ANXA7: variants seen among roughly 807,000 people sequenced by gnomAD.
ANXA7 encodes annexin A7.
Under a neutral mutation model 64.9 loss-of-function variants are expected in ANXA7, and 55 were observed. That is an observed-to-expected ratio of 0.85 (90% CI 0.68 to 1.06). ANXA7 has a LOEUF of 1.06. ANXA7 is among the 50% of genes least tolerant of loss of function. The probability of loss-of-function intolerance (pLI) is 0.00; values close to 1 mark genes in which losing one functional copy is unlikely to be tolerated. For missense variants in ANXA7, 548 were observed against 582.1 expected (o/e 0.94, Z 0.60); for synonymous variants, 200 against 192.4 (o/e 1.04, Z -0.33).
chr10:73,405,468 G>C (rs1387692104), intron 1 of ANXA7, among the ~76,000 whole-genome samples: 2 of 152,084 alleles, frequency 1.3e-5, no homozygotes, highest in Admixed American at 6.6e-5. Flanking sequence ...GAACCCAGGA[G>C]GCAGAGGTTG....
Position 73,398,164 on chromosome 10 carries a change from C to G in ANXA7, c.259+17G>C. Reference sequence around the variant, plus strand: ...CAGCAATCCCAATCATTACTAATTCCGCAACCCGTAACTCACCTCCGGGAT... The same window carrying G: ...CAGCAATCCCAATCATTACTAATTCGGCAACCCGTAACTCACCTCCGGGAT... On this transcript the variant is annotated intron_variant, in intron 3 of 12. Transcript: ENST00000372921. 1 of 1,598,044 alleles carries G rather than the reference C, an allele frequency of 6.3e-7. No individual in the cohort carries two copies. Among genetic ancestry groups the G allele is most frequent in the South Asian group, 1.1e-5 (1 of 90,562 alleles).
intron 2 of ANXA7, among the ~76,000 whole-genome samples, chr10:73,400,157 C>T (rs574130842): frequency 1.3e-5 from 2 of 152,000 alleles, no homozygotes; most frequent in Admixed American, 1.3e-4. Flanking sequence ...CACAAACAAA[C>T]AAACAAACAA....
intron 5 of ANXA7, among the ~76,000 whole-genome samples, chr10:73,388,745 GGT>G (rs947215170): frequency 6.6e-6 from 1 of 152,144 alleles, no homozygotes; most frequent in African/African-American, 2.4e-5. Context: ...ATCCCTGAAT[GGT>G]GTGAGATGAG....
Position 73,376,206 on chromosome 10 carries a change from T to C in ANXA7, c.1290A>G (p.Val430=), listed in dbSNP as rs2228240. ...TCTGAGCGAACATCTGTTTTATTTG[T>C]ACAAGGTCAATCTGCATAAGAAATA... The part of the protein sequence containing the change: ...IVVTRSEIDL[V]QIKQMFAQMY... The change falls in exon 13 of 13, where the codon GTA becomes GTG. Residue 430 remains valine, a synonymous_variant. Transcript: ENST00000372921. 1,053 of 1,581,548 alleles carry C rather than the reference T, an allele frequency of 6.7e-4. 4 individuals are homozygous for C. In the African/African-American group the frequency reaches 8.9e-3, roughly 13 times the overall value.
At chr10:73,383,457 G>T in intron 8 of ANXA7, 112 bp from the exon 9 acceptor site, 1 of 1,257,058 alleles carries the variant, frequency 8.0e-7, no homozygotes, top group Non-Finnish European at 1.1e-6. Context: ...ATATTCAGAT[G>T]GATGATGTGA....
intron 1 of ANXA7, among the ~76,000 whole-genome samples, chr10:73,401,628 T>C (rs917433292): frequency 6.6e-6 from 1 of 152,136 alleles, no homozygotes; most frequent in South Asian, 2.1e-4. Flanking sequence ...GCCTCCCGAG[T>C]AGCTGGGATT....
At chr10:73,385,734 G>A (rs2055357865) in intron 7 of ANXA7, among the ~76,000 whole-genome samples, 1 of 152,114 alleles carries the variant, frequency 6.6e-6, no homozygotes, top group African/African-American at 2.4e-5. Flanking sequence ...TGTGAGAATA[G>A]TGAGTCTGAT....
At chr10:73,379,179 A>AT (rs2055234156) in intron 11 of ANXA7, among the ~76,000 whole-genome samples, 156 bp from the exon 12 acceptor site, 1 of 151,826 alleles carries the variant, frequency 6.6e-6, no homozygotes, top group African/African-American at 2.4e-5. Context: ...GCTCTCCTTG[A>AT]TTTTTTTTGA....
At chr10:73,397,103 A>G (rs987970510) in intron 4 of ANXA7, 61 bp downstream of exon 4, 12 of 808,356 alleles carry the variant, frequency 1.5e-5, no homozygotes, top group Admixed American at 3.2e-5. Context: ...AGTTCCCTCA[A>G]TGGTGATTTA....
At chr10:73,393,061 GACAA>G (rs1344317864) in intron 5 of ANXA7, among the ~76,000 whole-genome samples, 3 of 152,182 alleles carry the variant, frequency 2.0e-5, no homozygotes, top group East Asian at 1.9e-4. Context: ...ACCAATAACA[GACAA>G]ACAGAGAGCC....
intron 9 of ANXA7, among the ~76,000 whole-genome samples, chr10:73,382,006 G>A (rs2055283868): frequency 6.6e-6 from 1 of 151,942 alleles, no homozygotes. Context: ...AGCCTCCCAG[G>A]TAGCTGGGAT....
rs140679445 is a variant in ANXA7 at position 73,400,912 on chromosome 10, T to C, written c.-1-55A>G. 1.9e-5 allele frequency: 29 copies of C among 1,505,864 alleles called. No individual in the cohort carries two copies. The African/African-American group carries it at 3.8e-4, about 20-fold the overall frequency. The allele number at this position is 1,505,864 out of a possible 1,614,324, so 93.3% of individuals were successfully genotyped here. A position where few individuals can be genotyped will look rare whatever the true frequency, so the allele number is the denominator to read the frequency against. On this transcript the variant is annotated intron_variant, in intron 1 of 12. Coordinates refer to ENST00000372921, the MANE Select transcript of ANXA7 (RefSeq NM_001156.5). Reference sequence around the variant, plus strand: ...AAGTTTTTTGTTGTTTTGTTTTGTTTTGTTTTGTTTTTTGAGACGGAGTCT... The same window carrying C: ...AAGTTTTTTGTTGTTTTGTTTTGTTCTGTTTTGTTTTTTGAGACGGAGTCT...
intron 5 of ANXA7, among the ~76,000 whole-genome samples, chr10:73,395,028 G>T (rs1338457271): frequency 1.3e-5 from 2 of 152,078 alleles, no homozygotes; most frequent in Non-Finnish European, 2.9e-5. Context: ...TTTATAATAT[G>T]ATTGGCAAAC....
rs781257161 is a variant in ANXA7, at chr10:73,378,978, T to C, written c.1211A>G (p.Tyr404Cys). 3 of 1,613,642 alleles carry C rather than the reference T, an allele frequency of 1.9e-6. No homozygotes were observed. The highest frequency in any genetic ancestry group is 2.2e-5 in the East Asian group (1 of 44,842). The change falls in exon 12 of 13, where the codon TAC (tyrosine) becomes TGC (cysteine). Residue 404 changes from tyrosine to cysteine, a missense_variant. By Grantham distance (194) the Tyr-to-Cys change is radical. Transcript: ENST00000372921. Reference protein sequence around the residue: ...NRPAFFAERLYYAMKGAGTDD... With the variant: ...NRPAFFAERLCYAMKGAGTDD... The stretch of plus-strand genomic sequence containing the variant: ...TGTGCCAGCACCTTTCATAGCATAG[T>C]AGAGCCTCTCAGCAAAGAAGGCAGG...
intron 1 of ANXA7, among the ~76,000 whole-genome samples, chr10:73,407,833 T>C (rs904813982): frequency 1.3e-5 from 2 of 152,180 alleles, no homozygotes; most frequent in Non-Finnish European, 2.9e-5. Context: ...TAAACGGACA[T>C]AGATTGAATC....
chr10:73,390,774 C>T (rs1420117532), intron 5 of ANXA7, among the ~76,000 whole-genome samples: 2 of 147,318 alleles, frequency 1.4e-5, no homozygotes, highest in Non-Finnish European at 3.0e-5. Context: ...CATATTTCAT[C>T]TGTAGGGAAA....
intron 2 of ANXA7, among the ~76,000 whole-genome samples, chr10:73,398,967 C>T (rs2055618792): frequency 6.6e-6 from 1 of 152,128 alleles, no homozygotes; most frequent in Non-Finnish European, 1.5e-5. Context: ...TTCCCAGACC[C>T]CCTTGCAGTT....
In ANXA7 at chr10:73,383,553, A is replaced by C. The variant is rs1376130237; in HGVS notation, c.747+24T>G. Reference sequence around the variant, plus strand: ...ACATATGAAATAGGACAAAATATTCATAATAAATGACATATAGTAGTACCT... The same window carrying C: ...ACATATGAAATAGGACAAAATATTCCTAATAAATGACATATAGTAGTACCT... On this transcript the variant is annotated intron_variant, in intron 8 of 12. Coordinates refer to ENST00000372921, the MANE Select transcript of ANXA7 (RefSeq NM_001156.5). 2.6e-6 allele frequency: 4 copies of C among 1,536,658 alleles called. No individual in the cohort carries two copies. In the East Asian group the frequency reaches 9.0e-5, roughly 35 times the overall value.
chr10:73,397,247 G>A lies in ANXA7; in HGVS notation c.287C>T (p.Pro96Leu). 1 of 1,612,202 alleles carries A rather than the reference G, an allele frequency of 6.2e-7. No homozygotes were observed. Among genetic ancestry groups the A allele is most frequent in the Non-Finnish European group, 8.5e-7 (1 of 1,178,932 alleles). The change falls in exon 4 of 13, where the codon CCA becomes CTA. Residue 96 changes from proline (P) to leucine (L), a missense_variant. Physicochemically the swap from Pro to Leu is moderately conservative, Grantham distance 98. Transcript: ENST00000372921. ...GVPPGQGFGV[P>L]PGGAGFSGYP... ...CCCAGAAAAGCCTGCTCCACCTGGT[G>A]GGACTCCAAATCCTTGGCCTGGAGG...
Sources: allele counts gnomAD v4.1 joint callset (sites outside exome capture counted in the v4.1 genomes callset), GRCh38; gene constraint gnomAD v4.1.1; transcripts MANE v1.5; gene names NCBI Gene and HGNC (gene_info 2026-07-23, HGNC 2026-07-21).